Variants in DDX10 observed in about 807,000 individuals in gnomAD.
DDX10 encodes the protein probable ATP-dependent RNA helicase DDX10.
In DDX10, 74 loss-of-function variants were observed where a neutral mutation model predicts 104.3. That is an observed-to-expected ratio of 0.71 (90% confidence interval 0.59 to 0.86). The LOEUF (loss-of-function observed/expected upper bound fraction) is 0.86. Ranked by LOEUF, DDX10 falls within the 40% of genes least tolerant of loss-of-function variation. DDX10 has a pLI of 0.00. For missense variants in DDX10, 952 were observed against 1,040.0 expected (o/e 0.92, Z 1.16); for synonymous variants, 351 against 353.4 (o/e 0.99, Z 0.08).
intron 16 of DDX10, among the ~76,000 whole-genome samples, chr11:108,861,491 C>T (rs1277256193): frequency 1.3e-5 from 2 of 152,046 alleles, no homozygotes; most frequent in Non-Finnish European, 2.9e-5. Context: ...CTGCTACATC[C>T]AATAATGGGC....
chr11:108,708,261 A>G (rs1201019620), intron 10 of DDX10, among the ~76,000 whole-genome samples: 1 of 150,934 alleles, frequency 6.6e-6, no homozygotes, highest in Non-Finnish European at 1.5e-5. Flanking sequence ...TTGTTAAAAA[A>G]AATTTTTTTT....
At chr11:108,789,996 C>G (rs1861848812) in intron 13 of DDX10, among the ~76,000 whole-genome samples, 1 of 152,152 alleles carries the variant, frequency 6.6e-6, no homozygotes, top group Non-Finnish European at 1.5e-5. Flanking sequence ...CTTTTAAAAG[C>G]TTCCAGGTGG....
At chr11:108,773,545 T>TACAGATGTGTGC (rs1214127186) in intron 13 of DDX10, among the ~76,000 whole-genome samples, 1 of 152,188 alleles carries the variant, frequency 6.6e-6, no homozygotes, top group Non-Finnish European at 1.5e-5. Context: ...CAACTGTGTG[T>TACAGATGTGTGC]ACAGATGTGT....
intron 13 of DDX10, chr11:108,729,978 T>G (rs1202253708): frequency 6.5e-6 from 1 of 154,106 alleles, no homozygotes; most frequent in East Asian, 1.9e-4. Flanking sequence ...AATCACAGTT[T>G]TGTCTGATCG....
chr11:108,859,805 A>G (rs971728304), intron 16 of DDX10, among the ~76,000 whole-genome samples: 2 of 152,156 alleles, frequency 1.3e-5, no homozygotes, highest in Admixed American at 6.5e-5. Context: ...GCCTGTGGGT[A>G]TGTGTGGATG....
intron 17 of DDX10, among the ~76,000 whole-genome samples, chr11:108,925,808 C>T (rs1194172127): frequency 6.6e-6 from 1 of 152,046 alleles, no homozygotes; most frequent in African/African-American, 2.4e-5. Flanking sequence ...CGTACCCATG[C>T]TTAGGTTTTG....
Position 108,869,197 on chromosome 11 carries a change from G to GTT in DDX10, c.2304+16998_2304+16999dup, listed in dbSNP as rs58883084. 6.9e-3 allele frequency among the ~76,000 whole-genome samples: 1,019 copies of GTT among 147,854 alleles called. 37 individuals carry two copies. The East Asian group carries it at 0.1, about 15-fold the overall frequency. On this transcript the variant is annotated intron_variant, in intron 16 of 17. Coordinates refer to ENST00000322536, the MANE Select transcript of DDX10 (RefSeq NM_004398.4). ...TGGTTCTTTCATTTTTAAACCCGTT[G>GTT]TTTTTTTTTTTGTTTGTTTGTTTGT...
intron 10 of DDX10, among the ~76,000 whole-genome samples, chr11:108,714,098 T>C (rs1184477951): frequency 2.0e-5 from 3 of 152,226 alleles, no homozygotes; most frequent in Admixed American, 6.5e-5. Flanking sequence ...ATTTTCCCCT[T>C]GTTTTGCTGA....
At chr11:108,869,055 AATG>A (rs1863045890) in intron 16 of DDX10, among the ~76,000 whole-genome samples, 1 of 151,486 alleles carries the variant, frequency 6.6e-6, no homozygotes. Flanking sequence ...GGCAGGAAAT[AATG>A]ATAAGGATGG....
chr11:108,920,664 G>A (rs1378422477), intron 17 of DDX10: 1 of 152,230 alleles, frequency 6.6e-6, no homozygotes, highest in Non-Finnish European at 1.5e-5. Flanking sequence ...CAGTTAGGTT[G>A]TATAGAATTA....
chr11:108,689,452 C>T (rs1315161818), intron 7 of DDX10, among the ~76,000 whole-genome samples: 1 of 152,156 alleles, frequency 6.6e-6, no homozygotes, highest in Non-Finnish European at 1.5e-5. Flanking sequence ...CTGGAATGCC[C>T]TCCCTGCATC....
intron 1 of DDX10, among the ~76,000 whole-genome samples, chr11:108,665,554 G>T (rs3858401): frequency 0.015 from 2,273 of 151,926 alleles, 54 homozygotes; most frequent in African/African-American, 0.052. Context: ...AAATGCGGCC[G>T]TACCTAAGGG....
rs763125818 is a variant in DDX10 at position 108,673,473 on chromosome 11, G to A, written c.193G>A (p.Val65Ile). Residue 65 changes from valine (V) to isoleucine (I), a missense_variant, in exon 2 of 18, where the codon GTA becomes ATA. By Grantham distance (29) the Val-to-Ile change is conservative. Around this residue, in one of 3 missense-constraint regions of DDX10, gnomAD observed 412 missense variants for 479.2 expected, o/e 0.86. Coordinates refer to ENST00000322536, the MANE Select transcript of DDX10 (RefSeq NM_004398.4). ...CCTTTTTCTTTTTTTCCAGATAAAT[G>A]TAAATGAAATCACAAGATTTTCAGA... ...RLMQNYEKINVNEITRFSDFP... is the reference protein window; with the variant it reads ...RLMQNYEKININEITRFSDFP... 33 of 1,588,026 alleles carry A rather than the reference G, an allele frequency of 2.1e-5. No homozygotes were observed. Among genetic ancestry groups the A allele is most frequent in the Admixed American group, 5.0e-5 (3 of 59,578 alleles).
chr11:108,851,499 G>A (rs1269961290), intron 15 of DDX10, among the ~76,000 whole-genome samples: 1 of 152,064 alleles, frequency 6.6e-6, no homozygotes, highest in Non-Finnish European at 1.5e-5. Flanking sequence ...GTGGCAGAAC[G>A]TCTCTTATAA....
chr11:108,715,917 T>A lies in DDX10; in HGVS notation c.1361T>A (p.Leu454Ter), dbSNP rs2094290706. The change falls in exon 11 of 18, where the codon TTG becomes TAG. Residue 454 changes from leucine (L) to a stop codon, truncating the protein, a stop_gained. Transcript: ENST00000322536. LOFTEE classifies it high-confidence loss of function. Reference protein sequence around the residue: ...PEKLIDVQKKLESILAQDQDL... With the variant: ...PEKLIDVQKK ...AAACTTATAGATGTCCAGAAAAAAT[T>A]GGAATCTATTTTAGCTCAAGATCAA... The A allele has an allele frequency of 2.6e-6, 4 of 1,566,338 alleles. No individual in the cohort carries two copies. Among genetic ancestry groups the A allele is most frequent in the Middle Eastern group, 1.8e-4 (1 of 5,712 alleles).
intron 2 of DDX10, 145 bp downstream of exon 2, chr11:108,673,672 A>G (rs2094220091): frequency 3.3e-6 from 2 of 605,310 alleles, no homozygotes; most frequent in South Asian, 2.1e-5. Context: ...GCAATATTCA[A>G]GTTTTAACAG....
Position 108,689,066 on chromosome 11 carries a change from T to C in DDX10, c.975+4T>C. On this transcript the variant is annotated splice_donor_region_variant and intron_variant, in intron 7 of 17. Transcript: ENST00000322536. ...ATTTTTTTCCAGTTGCAAAGAGGTATTGGCTGTTTATTTTGCTTTCTGAAC... is the reference window on the plus strand; with the variant it reads ...ATTTTTTTCCAGTTGCAAAGAGGTACTGGCTGTTTATTTTGCTTTCTGAAC... The C allele has an allele frequency of 6.2e-7, 1 of 1,613,236 alleles. No homozygotes were observed. The highest frequency in any genetic ancestry group is 8.5e-7 in the Non-Finnish European group (1 of 1,179,674).
chr11:108,816,832 G>C (rs1441016714), intron 13 of DDX10, among the ~76,000 whole-genome samples: 1 of 152,156 alleles, frequency 6.6e-6, no homozygotes, highest in Non-Finnish European at 1.5e-5. Flanking sequence ...GGGATTACAG[G>C]TGTGAGCCAC....
chr11:108,770,225 G>A (rs1167679286), intron 13 of DDX10, among the ~76,000 whole-genome samples: 1 of 152,146 alleles, frequency 6.6e-6, no homozygotes, highest in African/African-American at 2.4e-5. Flanking sequence ...CATGTAATGT[G>A]AATTTAACAC....
Sources: allele counts gnomAD v4.1 joint callset (sites outside exome capture counted in the v4.1 genomes callset), GRCh38; gene constraint gnomAD v4.1.1; regional missense constraint gnomAD v4.1.1; transcripts MANE v1.5; gene names NCBI Gene and HGNC (gene_info 2026-07-23, HGNC 2026-07-21).